The following PCDHGA12 variants were observed in gnomAD, a reference collection of about 807,000 sequenced individuals.
PCDHGA12 encodes the protein protocadherin gamma subfamily A, 12, also known as protocadherin gamma-A12.
In PCDHGA12, 43 loss-of-function variants were observed where a neutral mutation model predicts 61.1. The ratio of observed to expected loss-of-function variants is 0.70; its 90% CI spans 0.55 to 0.91. The LOEUF (loss-of-function observed/expected upper bound fraction) is 0.91, where lower values mean the gene tolerates loss of function less well. Among genes scored for constraint, PCDHGA12 ranks in the 40% least tolerant of loss-of-function variants. The pLI is 0.00. For missense variants in PCDHGA12, 1,236 were observed against 1,227.7 expected, an observed-to-expected ratio of 1.01 and a Z score of -0.10; for synonymous variants, 520 against 542.9, an observed-to-expected ratio of 0.96 and a Z score of 0.59.
Position 141,437,358 on chromosome 5 carries a change from T to C in PCDHGA12, c.2424+4175T>C, listed in dbSNP as rs115917828. ...CTTCACTGTTTTATAGTACCTAAAATTGGAATGTAATCAGTCAGAAGACAT... is the reference window on the plus strand; with the variant it reads ...CTTCACTGTTTTATAGTACCTAAAACTGGAATGTAATCAGTCAGAAGACAT... On this transcript the variant is annotated intron_variant, in intron 1 of 3. Coordinates refer to ENST00000252085, the MANE Select transcript of PCDHGA12 (RefSeq NM_003735.3). 4.6e-3 allele frequency among the ~76,000 whole-genome samples: 702 copies of C among 152,356 alleles called. 4 individuals carry two copies. Among genetic ancestry groups the C allele is most frequent in the African/African-American group, 0.015 (639 of 41,574 alleles).
chr5:141,441,810 C>A, intron 1 of PCDHGA12: 1 of 372,576 alleles, frequency 2.7e-6, no homozygotes. Context: ...GGTGCTGTAC[C>A]CCAGCTCTGG....
intron 1 of PCDHGA12, among the ~76,000 whole-genome samples, chr5:141,444,703 T>A (rs963617867): frequency 6.6e-6 from 1 of 152,248 alleles, no homozygotes; most frequent in Non-Finnish European, 1.5e-5. Context: ...TTCCTCTTTC[T>A]GTTGAATTTG....
intron 2 of PCDHGA12, among the ~76,000 whole-genome samples, chr5:141,502,908 C>G (rs1398336138): frequency 1.5e-5 from 2 of 132,418 alleles, no homozygotes; most frequent in Non-Finnish European, 3.0e-5. Flanking sequence ...TGTTGCCAGG[C>G]TGGAGTGCAG....
chr5:141,474,358 C>A (rs189724264), intron 1 of PCDHGA12, among the ~76,000 whole-genome samples: 30 of 152,290 alleles, frequency 2.0e-4, no homozygotes, highest in African/African-American at 6.5e-4. Context: ...AGTCATGTCT[C>A]AGTAGGTCTA....
Position 141,487,810 on chromosome 5 carries a change from C to T in PCDHGA12, c.2425-6997C>T. 7.1e-7 allele frequency: 1 copy of T among 1,417,854 alleles called. No homozygotes were observed. 87.8% of individuals were successfully genotyped at this position (1,417,854 alleles called of 1,614,324 possible). ...ATTAACCAGAGTTGTCACAGTTTAG[C>T]ATTGGGGGCGGGTCATGCCTATATC... is the stretch of plus-strand genomic sequence containing the variant. On this transcript the variant is annotated intron_variant, in intron 1 of 3. Coordinates refer to ENST00000252085, the MANE Select transcript of PCDHGA12 (RefSeq NM_003735.3). This position sits in a 1 kb window ranked among gnomAD's most constrained non-coding sequence, Gnocchi z 5.0.
Position 141,432,617 on chromosome 5 carries a change from G to T in PCDHGA12, c.1858G>T (p.Gly620Cys), listed in dbSNP as rs2097521313. The T allele has an allele frequency of 6.2e-7, 1 of 1,613,578 alleles. No homozygotes were observed. The highest frequency in any genetic ancestry group is 1.3e-5 in the African/African-American group (1 of 74,842). The change falls in exon 1 of 4, where the codon GGT becomes TGT. Residue 620 changes from glycine (G) to cysteine (C), a missense_variant. By Grantham distance (159) the Gly-to-Cys change is radical. Coordinates refer to ENST00000252085, the MANE Select transcript of PCDHGA12 (RefSeq NM_003735.3). This position sits in a 1 kb window ranked among gnomAD's most constrained non-coding sequence, Gnocchi z 6.0. The part of the protein sequence containing the change: ...KASEPGLFSV[G>C]LHTGEVRTAR... ...CAGCGAGCCGGGACTCTTCTCGGTGGGTCTGCACACGGGCGAGGTGCGCAC... is the reference window on the plus strand; with the variant it reads ...CAGCGAGCCGGGACTCTTCTCGGTGTGTCTGCACACGGGCGAGGTGCGCAC...
intron 1 of PCDHGA12, among the ~76,000 whole-genome samples, chr5:141,434,630 A>G (rs2097706465): frequency 6.6e-6 from 1 of 152,106 alleles, no homozygotes; most frequent in African/African-American, 2.4e-5. Flanking sequence ...CGTTTCCCAT[A>G]AGGGATACTT....
At chr5:141,452,003 T>C (rs1031228207) in intron 1 of PCDHGA12, among the ~76,000 whole-genome samples, 2 of 152,210 alleles carry the variant, frequency 1.3e-5, no homozygotes, top group Non-Finnish European at 2.9e-5. Context: ...CAAAATCACT[T>C]GGTCCAGCCC....
rs2097721634 is a variant in PCDHGA12, at chr5:141,434,835, A to G, written c.2424+1652A>G. On this transcript the variant is annotated intron_variant, in intron 1 of 3. Coordinates refer to ENST00000252085, the MANE Select transcript of PCDHGA12 (RefSeq NM_003735.3). ...ATATCCCTTAGTACACTTGGCATTT[A>G]TAAAGCAGACATCAATAAATTTATA... 2.0e-5 allele frequency among the ~76,000 whole-genome samples: 3 copies of G among 151,972 alleles called. 1 individual carries two copies. In the South Asian group the frequency reaches 6.2e-4, roughly 32 times the overall value.
intron 1 of PCDHGA12, 175 bp downstream of exon 1, chr5:141,433,358 C>CCTATCTATCTATCTATCTATCTAT: frequency 9.9e-6 from 5 of 503,368 alleles, no homozygotes; most frequent in South Asian, 2.6e-5. Flanking sequence ...CTACTGTCTG[C>CCTATCTATCTATCTATCTATCTAT]CTATCTATCT....
chr5:141,448,704 G>A (rs1272148301), intron 1 of PCDHGA12, among the ~76,000 whole-genome samples: 1 of 152,134 alleles, frequency 6.6e-6, no homozygotes. Flanking sequence ...ACTTTGGGAG[G>A]CCGAGGCGGG....
chr5:141,477,157 C>G lies in PCDHGA12; in HGVS notation c.2425-17650C>G. ...TGGTGGAGGTTGTGGATGTGAATGA[C>G]AACGCCCCGGAGATCACAGTCACCT... is the stretch of plus-strand genomic sequence containing the variant. On this transcript the variant is annotated intron_variant, in intron 1 of 3. Transcript: ENST00000252085. This position sits in a 1 kb window ranked among gnomAD's most constrained non-coding sequence, Gnocchi z 4.9. 1 of 1,614,182 alleles carries G rather than the reference C, an allele frequency of 6.2e-7. No individual in the cohort carries two copies. Among genetic ancestry groups the G allele is most frequent in the Non-Finnish European group, 8.5e-7 (1 of 1,180,038 alleles).
chr5:141,492,873 C>G (rs2099744714), intron 1 of PCDHGA12, among the ~76,000 whole-genome samples: 1 of 152,182 alleles, frequency 6.6e-6, no homozygotes, highest in Non-Finnish European at 1.5e-5. Context: ...CTCTCAACCC[C>G]CAGAGATACA....
intron 1 of PCDHGA12, among the ~76,000 whole-genome samples, chr5:141,473,773 T>C (rs1473510505): frequency 6.6e-6 from 1 of 152,254 alleles, no homozygotes; most frequent in Non-Finnish European, 1.5e-5. Context: ...GGATTTGGTA[T>C]TTTAATTCAA....
chr5:141,486,671 C>T lies in PCDHGA12; in HGVS notation c.2425-8136C>T, dbSNP rs1307620045. The T allele has an allele frequency of 1.9e-6, 3 of 1,613,926 alleles. No homozygotes were observed. Among genetic ancestry groups the T allele is most frequent in the South Asian group, 1.1e-5 (1 of 91,078 alleles). On this transcript the variant is annotated intron_variant, in intron 1 of 3. Coordinates refer to ENST00000252085, the MANE Select transcript of PCDHGA12 (RefSeq NM_003735.3). This position sits in a 1 kb window ranked among gnomAD's most constrained non-coding sequence, Gnocchi z 5.0. Reference sequence around the variant, plus strand: ...CTACTCACTCCTGGAGCCCAGGAATCGAGATGTATCAGCTTCCTCTTTCAT... The same window carrying T: ...CTACTCACTCCTGGAGCCCAGGAATTGAGATGTATCAGCTTCCTCTTTCAT...
At chr5:141,447,032 C>A (rs1412709585) in intron 1 of PCDHGA12, among the ~76,000 whole-genome samples, 1 of 149,498 alleles carries the variant, frequency 6.7e-6, no homozygotes, top group Admixed American at 6.6e-5. Context: ...TGTTTTTTTT[C>A]TGTGTCTGGA....
chr5:141,497,736 G>A (rs1437670417), intron 2 of PCDHGA12, among the ~76,000 whole-genome samples: 6 of 151,962 alleles, frequency 3.9e-5, no homozygotes, highest in Admixed American at 1.3e-4. Flanking sequence ...GATGGGTTTC[G>A]CCACGTTGGC....
chr5:141,467,296 A>G lies in PCDHGA12; in HGVS notation c.2425-27511A>G, dbSNP rs1032802325. Among the ~76,000 whole-genome samples the G allele has an allele frequency of 6.6e-5, 10 of 151,858 alleles. No individual in the cohort carries two copies. The East Asian group carries it at 9.7e-4, about 15-fold the overall frequency. On this transcript the variant is annotated intron_variant, in intron 1 of 3. Transcript: ENST00000252085. The stretch of plus-strand genomic sequence containing the variant: ...TCGAACTCTTGACCTCAAGTGATCC[A>G]CTCACCTCGGCCTCCCACAGTGCTG...
chr5:141,436,087 T>C (rs927404291), intron 1 of PCDHGA12, among the ~76,000 whole-genome samples: 1 of 152,198 alleles, frequency 6.6e-6, no homozygotes, highest in Non-Finnish European at 1.5e-5. Flanking sequence ...CTATAGGTAA[T>C]ATTGAGAGAA....
Sources: allele counts gnomAD v4.1 joint callset (sites outside exome capture counted in the v4.1 genomes callset), GRCh38; gene constraint gnomAD v4.1.1; non-coding constraint Gnocchi (gnomAD v3.1); transcripts MANE v1.5; gene names NCBI Gene and HGNC (gene_info 2026-07-23, HGNC 2026-07-21).